PAM: variants seen among roughly 807,000 people sequenced by gnomAD.
The protein encoded by PAM is peptidyl-glycine alpha-amidating monooxygenase.
Under a neutral mutation model 122.1 loss-of-function variants are expected in PAM, and 72 were observed. That is an observed-to-expected ratio of 0.59 (90% CI 0.49 to 0.72). The LOEUF (loss-of-function observed/expected upper bound fraction) is 0.72, where lower values mean the gene tolerates loss of function less well. PAM is among the 30% of genes least tolerant of loss of function. The pLI, the probability that PAM is intolerant of heterozygous loss-of-function variation, is 0.00. For missense variants in PAM, 1,106 were observed against 1,183.7 expected (o/e 0.93, Z 0.96); for synonymous variants, 389 against 404.4 (o/e 0.96, Z 0.46).
intron 1 of PAM, among the ~76,000 whole-genome samples, chr5:102,764,821 A>G (rs187717): frequency 0.48 from 72,332 of 151,926 alleles, 17,394 homozygotes; most frequent in East Asian, 0.53. Flanking sequence ...TGTCTTGTCA[A>G]TGACAATCCC....
chr5:102,866,045 T>C lies in PAM; in HGVS notation c.-151T>C. 1 of 470,076 alleles carries C rather than the reference T, an allele frequency of 2.1e-6. No individual in the cohort carries two copies. The highest frequency in any genetic ancestry group is 3.7e-6 in the Non-Finnish European group (1 of 271,688). The allele number at this position is 470,076 out of a possible 1,614,324, so 29.1% of individuals were successfully genotyped here. A position where few individuals can be genotyped will look rare whatever the true frequency, so the allele number is the denominator to read the frequency against. ...CCTCGCCGCGGCCAGCTCGCTGCTCTCGCTGGCGGATGGTGTGTGGCCGCC... is the reference window on the plus strand; with the variant it reads ...CCTCGCCGCGGCCAGCTCGCTGCTCCCGCTGGCGGATGGTGTGTGGCCGCC... On this transcript the variant is annotated 5_prime_UTR_variant, in exon 2 of 26. Transcript: ENST00000438793.
intron 6 of PAM, 25 bp downstream of exon 6, chr5:102,925,067 C>A: frequency 8.8e-7 from 1 of 1,137,274 alleles, no homozygotes; most frequent in Non-Finnish European, 1.3e-6. Flanking sequence ...CTTGGGTGGT[C>A]TTATGTTCAG....
chr5:103,029,814 G>A (rs545312658), downstream of PAM: 2 of 152,148 alleles, frequency 1.3e-5, no homozygotes, highest in African/African-American at 4.8e-5. Flanking sequence ...AAACTTACTC[G>A]ATGTCTTCAA....
chr5:102,889,166 C>A (rs1408999709), intron 3 of PAM, among the ~76,000 whole-genome samples: 1 of 151,936 alleles, frequency 6.6e-6, no homozygotes, highest in East Asian at 1.9e-4. Context: ...CTGCTCCACG[C>A]TCCAGGAGGC....
At chr5:102,818,288 T>C (rs901994744) in intron 1 of PAM, among the ~76,000 whole-genome samples, 19 of 152,118 alleles carry the variant, frequency 1.2e-4, no homozygotes, top group African/African-American at 4.6e-4. Flanking sequence ...TAATGGATTA[T>C]GTTCTACTCC....
At chr5:102,921,849 C>T (rs1244793133) in intron 5 of PAM, among the ~76,000 whole-genome samples, 1 of 152,122 alleles carries the variant, frequency 6.6e-6, no homozygotes, top group Non-Finnish European at 1.5e-5. Context: ...GGGACTGTGA[C>T]AGCCAGAGCT....
chr5:102,802,000 G>A (rs752897160), intron 1 of PAM, among the ~76,000 whole-genome samples: 25 of 143,642 alleles, frequency 1.7e-4, no homozygotes, highest in Non-Finnish European at 2.7e-4. Flanking sequence ...GGATGGTCTC[G>A]ATCTGATCTC....
At chr5:102,862,849 C>A (rs758144763) in intron 1 of PAM, among the ~76,000 whole-genome samples, 30 of 152,028 alleles carry the variant, frequency 2.0e-4, no homozygotes, top group Non-Finnish European at 3.4e-4. Context: ...AATAGTGGAC[C>A]CAGGAATCAG....
chr5:102,819,457 G>A (rs958061740), intron 1 of PAM, among the ~76,000 whole-genome samples: 1 of 151,598 alleles, frequency 6.6e-6, no homozygotes, highest in Non-Finnish European at 1.5e-5. Context: ...TTATAAATTT[G>A]TAAATTTTCT....
chr5:102,866,646 G>T (rs1785664514), intron 2 of PAM: 1 of 217,230 alleles, frequency 4.6e-6, no homozygotes, highest in African/African-American at 2.3e-5. Context: ...GCAGATCATA[G>T]ACTGTAATAG....
At chr5:103,003,263 A>G (rs1326426266) in intron 17 of PAM, 114 bp downstream of exon 17, 2 of 551,398 alleles carry the variant, frequency 3.6e-6, no homozygotes, top group Non-Finnish European at 6.6e-6. Context: ...GAAAGCAGAA[A>G]ACTAACTGGG....
At chr5:102,929,181 C>T (rs1750590396) in intron 7 of PAM, among the ~76,000 whole-genome samples, 1 of 152,036 alleles carries the variant, frequency 6.6e-6, no homozygotes, top group South Asian at 2.1e-4. Flanking sequence ...TCAATACCTT[C>T]CAGTTAGTGT....
chr5:102,946,796 A>T, intron 7 of PAM, 41 bp from the exon 8 acceptor site: 1 of 1,255,360 alleles, frequency 8.0e-7, no homozygotes, highest in Non-Finnish European at 1.2e-6. Context: ...CATTTTCTAC[A>T]TTATCATATT....
At chr5:102,776,405 T>G (rs905244633) in intron 1 of PAM, among the ~76,000 whole-genome samples, 1 of 152,154 alleles carries the variant, frequency 6.6e-6, no homozygotes, top group Admixed American at 6.6e-5. Flanking sequence ...CATGAAATCT[T>G]TTCCCATGCC....
At chr5:102,900,099 AG>A (rs1561814785) in intron 3 of PAM, among the ~76,000 whole-genome samples, 1 of 151,386 alleles carries the variant, frequency 6.6e-6, no homozygotes, top group Non-Finnish European at 1.5e-5. Flanking sequence ...GCTCTAAGAG[AG>A]GGTTTATGCT....
At chr5:102,760,505 T>C (rs572816189) in intron 1 of PAM, among the ~76,000 whole-genome samples, 1 of 152,318 alleles carries the variant, frequency 6.6e-6, no homozygotes, top group East Asian at 1.9e-4. Context: ...ATAAATTAAT[T>C]AAAAATGGAA....
At chr5:102,970,096 G>C (rs959254126) in intron 14 of PAM, among the ~76,000 whole-genome samples, 1 of 152,058 alleles carries the variant, frequency 6.6e-6, no homozygotes, top group Admixed American at 6.6e-5. Context: ...TTGGCAATTA[G>C]GATCCCTTAC....
At chr5:102,899,574 A>G (rs1797102791) in intron 3 of PAM, among the ~76,000 whole-genome samples, 1 of 151,586 alleles carries the variant, frequency 6.6e-6, no homozygotes, top group African/African-American at 2.4e-5. Flanking sequence ...TTGTTTTTAT[A>G]TTTGCTTTTA....
At chr5:102,842,475 G>A (rs1320771280) in intron 1 of PAM, among the ~76,000 whole-genome samples, 9 of 152,154 alleles carry the variant, frequency 5.9e-5, no homozygotes, top group Non-Finnish European at 1.2e-4. Flanking sequence ...CACCATCTAT[G>A]TAAGACGTGA....
Sources: allele counts gnomAD v4.1 joint callset (sites outside exome capture counted in the v4.1 genomes callset), GRCh38; gene constraint gnomAD v4.1.1; transcripts MANE v1.5; gene names NCBI Gene and HGNC (gene_info 2026-07-23, HGNC 2026-07-21).